AEBP1: variants seen among roughly 807,000 people sequenced by gnomAD.
The protein encoded by AEBP1 is adipocyte enhancer-binding protein 1.
In AEBP1, 69 loss-of-function variants were observed where a neutral mutation model predicts 116.5. The ratio of observed to expected loss-of-function variants is 0.59; its 90% CI spans 0.49 to 0.72. The LOEUF is 0.72. Among genes scored for constraint, AEBP1 ranks in the 30% least tolerant of loss-of-function variants. The pLI is 0.00. For missense variants in AEBP1, 1,444 were observed against 1,557.5 expected (o/e 0.93, Z 1.23); for synonymous variants, 627 against 627.3 (o/e 1.00, Z 0.01).
chr7:44,113,301 T>C lies in AEBP1; in HGVS notation c.2759T>C (p.Ile920Thr), dbSNP rs200487092. The C allele has an allele frequency of 4.8e-4, 776 of 1,613,588 alleles. 7 individuals carry two copies. The highest frequency in any genetic ancestry group is 2.7e-5 in the Non-Finnish European group (32 of 1,179,854). ...GTGACGGACGAGCAAGGCATCCCCA[T>C]TGCCAACGCCACCATCTCTGTGAGT... ...GVVTDEQGIP[I>T]ANATISVSGI... Residue 920 changes from isoleucine to threonine, a missense_variant, in exon 20 of 21, where the codon ATT becomes ACT. By Grantham distance (89) the Ile-to-Thr change is moderately conservative (BLOSUM62 -1). Transcript: ENST00000223357. The surrounding 1 kb of genome is among the most constrained non-coding windows in gnomAD (Gnocchi z 5.3).
Position 44,111,867 on chromosome 7 carries a change from C to G in AEBP1, c.1854C>G (p.Phe618Leu). The G allele has an allele frequency of 6.2e-7, 1 of 1,613,178 alleles. No individual in the cohort carries two copies. Among genetic ancestry groups the G allele is most frequent in the Admixed American group, 1.7e-5 (1 of 59,986 alleles). Residue 618 changes from phenylalanine to leucine, a missense_variant, in exon 16 of 21, where the codon TTC (phenylalanine) becomes TTG (leucine). Transcript: ENST00000223357. This position sits in a 1 kb window ranked among gnomAD's most constrained non-coding sequence, Gnocchi z 4.7. ...CCGCCCTTGCAGGGGAGCCCGAGTT[C>G]CGCTACACTGCTGGGATCCATGGCA... ...PGEHELGEPEFRYTAGIHGNE... is the reference protein window; with the variant it reads ...PGEHELGEPELRYTAGIHGNE...
In AEBP1 at chr7:44,113,762, T is replaced by A. The variant is rs766777874; in HGVS notation, c.2978T>A (p.Ile993Asn). The A allele has an allele frequency of 7.4e-6, 12 of 1,613,818 alleles. No homozygotes were observed. Among genetic ancestry groups the A allele is most frequent in the Non-Finnish European group, 1.0e-5 (12 of 1,179,956 alleles). The change falls in exon 21 of 21, where the codon ATC becomes AAC. Residue 993 changes from isoleucine (I) to asparagine (N), a missense_variant. Transcript: ENST00000223357. The surrounding 1 kb of genome is among the most constrained non-coding windows in gnomAD (Gnocchi z 5.3). The part of the protein sequence containing the change: ...ARSNWKRIRE[I>N]MAMNGNRPIP... ...TCCAACTGGAAGCGCATCCGGGAGA[T>A]CATGGCCATGAACGGGAACCGGCCT...
In AEBP1 at chr7:44,107,967, A is replaced by AC. The variant is rs2096224838; in HGVS notation, c.862+37dup. On this transcript the variant is annotated intron_variant, in intron 5 of 20. Transcript: ENST00000223357. This position sits in a 1 kb window ranked among gnomAD's most constrained non-coding sequence, Gnocchi z 4.3. ...GGGCAGGAGAGGAGGTGCCATGGCC[A>AC]CGGCGCTCTGGCCCCCTCCTAACCT... The AC allele has an allele frequency of 7.1e-7, 1 of 1,413,048 alleles. No homozygotes were observed. Among genetic ancestry groups the AC allele is most frequent in the South Asian group, 1.2e-5 (1 of 81,040 alleles). The allele number at this position is 1,413,048 out of a possible 1,614,324, so 87.5% of individuals were successfully genotyped here.
rs757167277 is a variant in AEBP1, at chr7:44,113,645, C to G, written c.2861C>G (p.Thr954Arg). 1.1e-5 allele frequency: 17 copies of G among 1,613,546 alleles called. No homozygotes were observed. Among genetic ancestry groups the G allele is most frequent in the Non-Finnish European group, 1.4e-5 (16 of 1,179,952 alleles). ...TTGAACCCGGGTGAGTACCGCGTGA[C>G]AGCCCACGCGGAGGGCTACACCCCG... Reference protein sequence around the residue: ...RILNPGEYRVTAHAEGYTPSA... With the variant: ...RILNPGEYRVRAHAEGYTPSA... The change falls in exon 21 of 21, where the codon ACA becomes AGA. Residue 954 changes from threonine (T) to arginine (R), a missense_variant. Transcript: ENST00000223357. This position sits in a 1 kb window ranked among gnomAD's most constrained non-coding sequence, Gnocchi z 5.3.
chr7:44,113,744 G>A lies in AEBP1; in HGVS notation c.2960G>A (p.Trp987Ter), dbSNP rs773525923. The change falls in exon 21 of 21, where the codon TGG becomes TAG. Residue 987 changes from tryptophan to a stop codon, truncating the protein, a stop_gained. Transcript: ENST00000223357. LOFTEE classifies it low-confidence loss of function (END_TRUNC). This position sits in a 1 kb window ranked among gnomAD's most constrained non-coding sequence, Gnocchi z 5.3. ...AACTTCATCCTGGCTCGCTCCAACT[G>A]GAAGCGCATCCGGGAGATCATGGCC... Reference protein sequence around the residue: ...QCNFILARSNWKRIREIMAMN... With the variant: ...QCNFILARSN 6.2e-7 allele frequency: 1 copy of A among 1,614,094 alleles called. No homozygotes were observed. The highest frequency in any genetic ancestry group is 1.7e-5 in the Admixed American group (1 of 60,018).
chr7:44,106,931 G>C, intron 2 of AEBP1, 44 bp downstream of exon 2: 1 of 1,423,540 alleles, frequency 7.0e-7, no homozygotes, highest in Non-Finnish European at 9.4e-7. Context: ...CTGACTGCCT[G>C]CTCGGGTGGA....
chr7:44,106,533 G>A lies in AEBP1; in HGVS notation c.254-13G>A. 1 of 1,577,792 alleles carries A rather than the reference G, an allele frequency of 6.3e-7. No homozygotes were observed. Among genetic ancestry groups the A allele is most frequent in the Non-Finnish European group, 8.6e-7 (1 of 1,165,520 alleles). On this transcript the variant is annotated splice_polypyrimidine_tract_variant and intron_variant, in intron 1 of 20. Transcript: ENST00000223357. Reference sequence around the variant, plus strand: ...GGCTCTGTTCATTTGACACGAGTCTGCATCTTGGACAGTGCCTCCGGAAAA... The same window carrying A: ...GGCTCTGTTCATTTGACACGAGTCTACATCTTGGACAGTGCCTCCGGAAAA...
chr7:44,110,755 C>T lies in AEBP1; in HGVS notation c.1431C>T (p.Gly477=). Residue 477 remains glycine (G), a synonymous_variant, in exon 12 of 21, where the codon GGC becomes GGT. Transcript: ENST00000223357. The part of the protein sequence containing the change: ...HDDFVTTFFV[G]FSNDSQTWVM... ...ATTTTGTGACCACCTTCTTCGTGGG[C>T]TTCAGCAATGACAGCCAGACATGGG... 6.5e-7 allele frequency: 1 copy of T among 1,528,252 alleles called. No homozygotes were observed. Among genetic ancestry groups the T allele is most frequent in the South Asian group, 1.3e-5 (1 of 76,652 alleles). 94.7% of individuals were successfully genotyped at this position (1,528,252 alleles called of 1,614,324 possible).
At position 44,114,156 on chromosome 7, in the gene AEBP1, G is replaced by C. The variant is rs561000204; in HGVS notation, c.3372G>C (p.Glu1124Asp). The part of the protein sequence containing the change: ...EPEFETQLEP[E>D]FEEEEEEEKE... ...AGTTTGAGACCCAGCTGGAACCCGA[G>C]TTTGAGGAAGAGGAGGAGGAGGAGA... The change falls in exon 21 of 21, where the codon GAG becomes GAC. Residue 1124 changes from glutamate (E) to aspartate (D), a missense_variant. Glu to Asp is a conservative substitution (Grantham distance 45, BLOSUM62 2). Coordinates refer to ENST00000223357, the MANE Select transcript of AEBP1 (RefSeq NM_001129.5). 1 of 1,613,992 alleles carries C rather than the reference G, an allele frequency of 6.2e-7. No homozygotes were observed. The highest frequency in any genetic ancestry group is 1.3e-5 in the African/African-American group (1 of 74,928).
rs1427925286 is a variant in AEBP1, at chr7:44,108,614, C to T, written c.941-285C>T. On this transcript the variant is annotated intron_variant, in intron 6 of 20. Transcript: ENST00000223357. This position sits in a 1 kb window ranked among gnomAD's most constrained non-coding sequence, Gnocchi z 5.0. ...CAGCCCGCAACCCCAGGCACAGGTG[C>T]CAGTTGTCCCTCCAGGCCTTTCCCA... 1.3e-5 allele frequency among the ~76,000 whole-genome samples: 2 copies of T among 152,172 alleles called. No individual in the cohort carries two copies. The highest frequency in any genetic ancestry group is 2.9e-5 in the Non-Finnish European group (2 of 68,020).
In AEBP1 at chr7:44,113,058, G is replaced by A. The variant is rs1371807673; in HGVS notation, c.2637G>A (p.Lys879=). ...TCTCCTTCTACCTGGGCTGTGACAA[G>A]TTCCCTCATGAGAGTGAGCTGCCCC... ...LELSFYLGCD[K]FPHESELPRE... The change falls in exon 19 of 21, where the codon AAG becomes AAA. Residue 879 remains lysine (K), a synonymous_variant. Coordinates refer to ENST00000223357, the MANE Select transcript of AEBP1 (RefSeq NM_001129.5). This position sits in a 1 kb window ranked among gnomAD's most constrained non-coding sequence, Gnocchi z 5.3. 1 of 1,614,012 alleles carries A rather than the reference G, an allele frequency of 6.2e-7. No homozygotes were observed. Among genetic ancestry groups the A allele is most frequent in the African/African-American group, 1.3e-5 (1 of 74,928 alleles).
intron 9 of AEBP1, chr7:44,109,773 G>T: frequency 1.7e-6 from 1 of 586,604 alleles, no homozygotes; most frequent in Non-Finnish European, 3.1e-6. Flanking sequence ...CCGTTCTCCA[G>T]ATGGGGCAGC....
chr7:44,107,301 C>T lies in AEBP1; in HGVS notation c.596-138C>T, dbSNP rs1231824874. On this transcript the variant is annotated intron_variant, in intron 2 of 20. Transcript: ENST00000223357. This position sits in a 1 kb window ranked among gnomAD's most constrained non-coding sequence, Gnocchi z 4.3. ...ATGCTGAAGGCCAGAGGAGCTCAGG[C>T]CTCCTTGGAGTGAGCTCGGCCTCAG... 1.2e-6 allele frequency: 1 copy of T among 808,522 alleles called. No individual in the cohort carries two copies. Among genetic ancestry groups the T allele is most frequent in the Middle Eastern group, 3.6e-4 (1 of 2,812 alleles). The allele number at this position is 808,522 out of a possible 1,614,324, so 50.1% of individuals were successfully genotyped here.
intron 1 of AEBP1, chr7:44,106,116 TG>T: frequency 2.2e-6 from 1 of 461,420 alleles, no homozygotes; most frequent in Admixed American, 2.4e-5. Context: ...GGGAAGGTCT[TG>T]GGCCCATGTC....
chr7:44,109,001 C>T (rs1373406719), intron 7 of AEBP1, 25 bp downstream of exon 7: 1 of 1,606,144 alleles, frequency 6.2e-7, no homozygotes, highest in South Asian at 1.1e-5. Flanking sequence ...GGACTTCCCA[C>T]ACCAGGCCTG....
chr7:44,105,062 A>AG, intron 1 of AEBP1, 144 bp downstream of exon 1: 2 of 807,174 alleles, frequency 2.5e-6, no homozygotes, highest in Middle Eastern at 3.7e-4. Context: ...AGATGCCTGG[A>AG]GGGACCCTGT....
Position 44,107,001 on chromosome 7 carries a change from C to T in AEBP1, c.595+114C>T. 1.3e-6 allele frequency: 1 copy of T among 777,960 alleles called. No individual in the cohort carries two copies. Among genetic ancestry groups the T allele is most frequent in the South Asian group, 1.9e-5 (1 of 52,524 alleles). The allele number at this position is 777,960 out of a possible 1,614,324, so 48.2% of individuals were successfully genotyped here. A position where few individuals can be genotyped will look rare whatever the true frequency, so the allele number is the denominator to read the frequency against. ...CTTCCTATAGACCTTCAGCTCCCCA[C>T]TGGATGGGAACCTCACTTTTGCTAT... On this transcript the variant is annotated intron_variant, in intron 2 of 20. Coordinates refer to ENST00000223357, the MANE Select transcript of AEBP1 (RefSeq NM_001129.5). This position sits in a 1 kb window ranked among gnomAD's most constrained non-coding sequence, Gnocchi z 4.3.
At position 44,104,906 on chromosome 7, in the gene AEBP1, A is replaced by C. The variant is rs1287875688; in HGVS notation, c.241A>C (p.Thr81Pro). ...GGGCAAGCCAGGGAAGCGGCCAGGGACGGCCGCAGAAGGTAAGAGCCCAGG... is the reference window on the plus strand; with the variant it reads ...GGGCAAGCCAGGGAAGCGGCCAGGGCCGGCCGCAGAAGGTAAGAGCCCAGG... ...AGGKPGKRPG[T>P]AAEVPPEKTK... The change falls in exon 1 of 21, where the codon ACG (threonine) becomes CCG (proline). Residue 81 changes from threonine to proline, a missense_variant. Coordinates refer to ENST00000223357, the MANE Select transcript of AEBP1 (RefSeq NM_001129.5). The C allele has an allele frequency of 6.5e-7, 1 of 1,544,882 alleles. No individual in the cohort carries two copies.
chr7:44,106,869 G>T lies in AEBP1; in HGVS notation c.577G>T (p.Glu193Ter). 5 of 1,586,832 alleles carry T rather than the reference G, an allele frequency of 3.2e-6. No individual in the cohort carries two copies. Among genetic ancestry groups the T allele is most frequent in the Non-Finnish European group, 4.3e-6 (5 of 1,168,834 alleles). The change falls in exon 2 of 21, where the codon GAG (glutamate) becomes TAG (stop). Residue 193 changes from glutamate (E) to a stop codon, truncating the protein, a stop_gained. Transcript: ENST00000223357. LOFTEE classifies it high-confidence loss of function. Reference protein sequence around the residue: ...LPPPPSPGPEELPQEGGAPLS... With the variant: ...LPPPPSPGPE ...CCCACCCCCCAGCCCTGGCCCCGAG[G>T]AGCTACCCCAGGAGGGAGGTTTGTG...
Sources: gnomAD v4.1 joint callset for allele counts (sites outside exome capture counted in the v4.1 genomes callset) on GRCh38, gnomAD v4.1.1 for gene constraint, Gnocchi (gnomAD v3.1) non-coding constraint, MANE v1.5 for transcripts, NCBI Gene and HGNC (gene_info 2026-07-23, HGNC 2026-07-21) for gene names.